The following PTPRS variants were observed in gnomAD, a reference collection of about 807,000 sequenced individuals.
PTPRS encodes receptor-type tyrosine-protein phosphatase S.
Under a neutral mutation model 215.3 loss-of-function variants are expected in PTPRS, and 63 were observed. That is an observed-to-expected ratio of 0.29 (90% CI 0.24 to 0.36). The LOEUF (loss-of-function observed/expected upper bound fraction) is 0.36. PTPRS is among the 10% of genes least tolerant of loss of function. PTPRS has a pLI of 1.00. For missense variants in PTPRS, 2,258 were observed against 2,825.8 expected, an observed-to-expected ratio of 0.80 and a Z score of 4.56; for synonymous variants, 1,404 against 1,191.4, an observed-to-expected ratio of 1.18 and a Z score of -3.68.
chr19:5,290,067 G>C (rs557933435), intron 1 of PTPRS, among the ~76,000 whole-genome samples: 1 of 152,362 alleles, frequency 6.6e-6, no homozygotes, highest in East Asian at 1.9e-4. Context: ...GCCCATGGTG[G>C]CCAGCGAGGC....
intron 1 of PTPRS, among the ~76,000 whole-genome samples, chr19:5,314,512 T>G (rs2049809217): frequency 6.6e-6 from 1 of 152,190 alleles, no homozygotes; most frequent in Non-Finnish European, 1.5e-5. Flanking sequence ...AATGTCAGTT[T>G]GATGTGGGTT....
chr19:5,322,126 A>C lies in PTPRS; in HGVS notation c.-95+18538T>G, dbSNP rs114041902. 6.4e-3 allele frequency among the ~76,000 whole-genome samples: 975 copies of C among 152,310 alleles called. 15 individuals are homozygous for C. Among genetic ancestry groups the C allele is most frequent in the African/African-American group, 0.022 (932 of 41,574 alleles). On this transcript the variant is annotated intron_variant, in intron 1 of 37. Coordinates refer to ENST00000262963, the MANE Select transcript of PTPRS (RefSeq NM_002850.4). ...CTCAAATCTGAGGTTTCCTGACCTGACAGGGAACTGCAGGCCCCACGGTCC... is the reference window on the plus strand; with the variant it reads ...CTCAAATCTGAGGTTTCCTGACCTGCCAGGGAACTGCAGGCCCCACGGTCC...
At chr19:5,242,269 T>C (rs915911266) in intron 11 of PTPRS, among the ~76,000 whole-genome samples, 1 of 152,230 alleles carries the variant, frequency 6.6e-6, no homozygotes. Context: ...ACAGCCCCCC[T>C]TGTCTCCCAC....
intron 1 of PTPRS, among the ~76,000 whole-genome samples, chr19:5,289,585 C>T (rs951796479): frequency 1.4e-4 from 22 of 152,296 alleles, no homozygotes; most frequent in Non-Finnish European, 3.1e-4. Context: ...TCCCCTCCTC[C>T]CTTTCTCCCC....
intron 13 of PTPRS, among the ~76,000 whole-genome samples, chr19:5,238,339 T>C (rs56080966): frequency 0.23 from 34,691 of 152,064 alleles, 4,807 homozygotes; most frequent in Non-Finnish European, 0.33. Context: ...GGGACCTGCA[T>C]GCCCCCACGA....
chr19:5,315,351 GTTTTTTTTTTTTTTT>G lies in PTPRS; in HGVS notation c.-95+25298_-95+25312del, dbSNP rs952833168. ...CATGGAGAATTTTTATTTGAAAAGG[GTTTTTTTTTTTTTTT>G]TTTTTTTTTTTTTTTGAGACAGAGT... On this transcript the variant is annotated intron_variant, in intron 1 of 37. Transcript: ENST00000262963. Among the ~76,000 whole-genome samples, 3 of 79,802 alleles carry G rather than the reference GTTTTTTTTTTTTTTT, an allele frequency of 3.8e-5. No homozygotes were observed. In the Admixed American group the frequency reaches 4.7e-4, roughly 12 times the overall value. The allele number at this position is 79,802 out of a possible 152,430, so 52.4% of individuals were successfully genotyped here. A position where few individuals can be genotyped will look rare whatever the true frequency, so the allele number is the denominator to read the frequency against.
At chr19:5,331,128 T>TA (rs1041351468) in intron 1 of PTPRS, among the ~76,000 whole-genome samples, 142 of 100,150 alleles carry the variant, frequency 1.4e-3, no homozygotes, top group East Asian at 7.8e-3. Context: ...CTTCTTTTTT[T>TA]AAAAAAAAAA....
intron 1 of PTPRS, among the ~76,000 whole-genome samples, chr19:5,319,413 CTT>C (rs78544674): frequency 1.3e-4 from 18 of 135,286 alleles, no homozygotes; most frequent in Admixed American, 3.7e-4. Flanking sequence ...CAGACCTTGT[CTT>C]TTTTTTTTTT....
rs900894536 is a variant in PTPRS, at chr19:5,334,631, G to C, written c.-95+6033C>G. Among the ~76,000 whole-genome samples the C allele has an allele frequency of 2.0e-5, 3 of 152,170 alleles. No homozygotes were observed. The South Asian group carries it at 6.2e-4, about 31-fold the overall frequency. Reference sequence around the variant, plus strand: ...AGAGCCCTGGGGTGTGTGTGTGCGGGGGGTGTCTCTGTAGCGATTCAGGTG... The same window carrying C: ...AGAGCCCTGGGGTGTGTGTGTGCGGCGGGTGTCTCTGTAGCGATTCAGGTG... On this transcript the variant is annotated intron_variant, in intron 1 of 37. Transcript: ENST00000262963.
In PTPRS at chr19:5,215,177, G is replaced by A. The variant is rs975866236; in HGVS notation, c.4318+112C>T. The A allele has an allele frequency of 5.0e-5, 71 of 1,430,210 alleles. No individual in the cohort carries two copies. In the Middle Eastern group the frequency reaches 9.0e-4, roughly 18 times the overall value. 88.6% of individuals were successfully genotyped at this position (1,430,210 alleles called of 1,614,324 possible). A position where few individuals can be genotyped will look rare whatever the true frequency, so the allele number is the denominator to read the frequency against. ...TGCCCAGTGGCCTCCAGTTGGAGCT[G>A]GACCAGGTCTATGACCAGAATCAGG... On this transcript the variant is annotated intron_variant, in intron 28 of 37. Coordinates refer to ENST00000262963, the MANE Select transcript of PTPRS (RefSeq NM_002850.4).
intron 1 of PTPRS, among the ~76,000 whole-genome samples, chr19:5,326,035 A>T (rs1278662066): frequency 1.3e-5 from 2 of 152,178 alleles, no homozygotes; most frequent in East Asian, 3.9e-4. Context: ...GTTCGAAACC[A>T]GCCTGGCCAA....
Position 5,212,450 on chromosome 19 carries a change from A to C in PTPRS, c.4656T>G (p.Phe1552Leu). The change falls in exon 31 of 38, where the codon TTT becomes TTG. Residue 1552 changes from phenylalanine to leucine, a missense_variant. Transcript: ENST00000262963. ...SEKREVRQFQ[F>L]TAWPDHGVPE... ...GCACGCCATGGTCCGGCCACGCCGTAAACTGGAACTGGCGGACCTCGCGTT... is the reference window on the plus strand; with the variant it reads ...GCACGCCATGGTCCGGCCACGCCGTCAACTGGAACTGGCGGACCTCGCGTT... The C allele has an allele frequency of 6.2e-7, 1 of 1,601,208 alleles. No homozygotes were observed. The highest frequency in any genetic ancestry group is 8.5e-7 in the Non-Finnish European group (1 of 1,173,836).
chr19:5,328,339 A>C (rs1028211114), intron 1 of PTPRS, among the ~76,000 whole-genome samples: 2 of 151,782 alleles, frequency 1.3e-5, no homozygotes, highest in Admixed American at 6.6e-5. Context: ...CAAACTCCTG[A>C]CCTCAGGTGA....
intron 1 of PTPRS, among the ~76,000 whole-genome samples, chr19:5,319,600 C>T (rs2049971275): frequency 6.6e-6 from 1 of 151,840 alleles, no homozygotes; most frequent in African/African-American, 2.4e-5. Flanking sequence ...CCAGGGTTCT[C>T]CCTGCAGCCC....
chr19:5,235,098 G>A (rs1056562602), intron 13 of PTPRS, among the ~76,000 whole-genome samples: 4 of 151,916 alleles, frequency 2.6e-5, no homozygotes, highest in South Asian at 2.1e-4. Flanking sequence ...CCGCCACCAC[G>A]CTCGGCTAAT....
intron 1 of PTPRS, among the ~76,000 whole-genome samples, chr19:5,316,275 C>T (rs1340169556): frequency 6.6e-6 from 1 of 152,172 alleles, no homozygotes; most frequent in African/African-American, 2.4e-5. Flanking sequence ...GAACTACATA[C>T]GTAAATGGAA....
At chr19:5,340,628 T>A (rs1600168766) in intron 1 of PTPRS, 36 bp downstream of exon 1, 1 of 147,160 alleles carries the variant, frequency 6.8e-6, no homozygotes, top group South Asian at 2.1e-4. Flanking sequence ...TTTTTTTTCC[T>A]CTAATCCATG....
intron 26 of PTPRS, among the ~76,000 whole-genome samples, 195 bp from the exon 27 acceptor site, chr19:5,215,790 T>C (rs984377155): frequency 1.3e-5 from 2 of 152,156 alleles, no homozygotes; most frequent in Admixed American, 6.5e-5. Flanking sequence ...CCTAGGGGAC[T>C]CTAAAGGCAG....
rs767282779 is a variant in PTPRS, at chr19:5,245,864, G to A, written c.900C>T (p.Leu300=). 39 of 1,613,906 alleles carry A rather than the reference G, an allele frequency of 2.4e-5. No individual in the cohort carries two copies. The highest frequency in any genetic ancestry group is 1.6e-4 in the Middle Eastern group (1 of 6,084). The change falls in exon 10 of 38, where the codon CTC becomes CTT. Residue 300 remains leucine (L), a synonymous_variant. Coordinates refer to ENST00000262963, the MANE Select transcript of PTPRS (RefSeq NM_002850.4). The stretch of plus-strand genomic sequence containing the variant: ...AGTTGGCCGAGTCCTTGACATCTGT[G>A]AGTTCCAGCACGTTCCGACCCACGG... The part of the protein sequence containing the change: ...DMPVGRNVLE[L]TDVKDSANYT...
Sources: allele counts gnomAD v4.1 joint callset (sites outside exome capture counted in the v4.1 genomes callset), GRCh38; gene constraint gnomAD v4.1.1; transcripts MANE v1.5; gene names NCBI Gene and HGNC (gene_info 2026-07-23, HGNC 2026-07-21).